Variants in RCAN2 observed in about 807,000 individuals in gnomAD.
RCAN2 encodes the protein regulator of calcineurin 2.
In RCAN2, 9 loss-of-function variants were observed where a neutral mutation model predicts 23.6. That is an observed-to-expected ratio of 0.38 (90% CI 0.23 to 0.67). RCAN2 has a LOEUF of 0.67. Ranked by LOEUF, RCAN2 falls within the 30% of genes least tolerant of loss-of-function variation. RCAN2 has a pLI of 0.51. For missense variants in RCAN2, 273 were observed against 302.3 expected, an observed-to-expected ratio of 0.90 and a Z score of 0.72; for synonymous variants, 109 against 115.7, an observed-to-expected ratio of 0.94 and a Z score of 0.37.
At chr6:46,438,456 T>A (rs1356600700) in intron 2 of RCAN2, 1 of 152,150 alleles carries the variant, frequency 6.6e-6, no homozygotes. Flanking sequence ...TGCAGCTTCA[T>A]CCTATAAGAG....
intron 2 of RCAN2, among the ~76,000 whole-genome samples, chr6:46,443,669 G>T (rs149950682): frequency 6.7e-4 from 102 of 152,134 alleles, no homozygotes; most frequent in African/African-American, 2.3e-3. Context: ...ATAAATTGAC[G>T]TATAAAGCAG....
At chr6:46,408,555 G>A (rs554537096) in intron 2 of RCAN2, among the ~76,000 whole-genome samples, 1 of 152,260 alleles carries the variant, frequency 6.6e-6, no homozygotes, top group East Asian at 1.9e-4. Flanking sequence ...GCTAGGCACT[G>A]CCACTAGGAC....
chr6:46,282,192 A>C (rs1354165082), intron 2 of RCAN2, among the ~76,000 whole-genome samples: 2 of 152,184 alleles, frequency 1.3e-5, no homozygotes, highest in Non-Finnish European at 2.9e-5. Context: ...AGACCACTCA[A>C]ATATCCAACA....
intron 2 of RCAN2, among the ~76,000 whole-genome samples, chr6:46,348,772 A>G (rs1764563104): frequency 6.6e-6 from 1 of 152,220 alleles, no homozygotes; most frequent in South Asian, 2.1e-4. Flanking sequence ...GGGAAGGACA[A>G]TCAGCAACGT....
chr6:46,386,512 G>A (rs540433713), intron 2 of RCAN2, among the ~76,000 whole-genome samples: 70 of 150,524 alleles, frequency 4.7e-4, no homozygotes, highest in South Asian at 4.2e-4. Flanking sequence ...GGAGGCTGAG[G>A]CAGGAGAATT....
chr6:46,468,836 G>C, intron 1 of RCAN2: 1 of 985,306 alleles, frequency 1.0e-6, no homozygotes, highest in Middle Eastern at 5.2e-4. Context: ...GTGACTTCCT[G>C]AGTCTCACAG....
chr6:46,367,991 T>C (rs1765220908), intron 2 of RCAN2, among the ~76,000 whole-genome samples: 1 of 152,200 alleles, frequency 6.6e-6, no homozygotes, highest in Non-Finnish European at 1.5e-5. Context: ...AGCTATATCA[T>C]TTAGGAGCTG....
intron 2 of RCAN2, among the ~76,000 whole-genome samples, chr6:46,304,939 T>C (rs1763017161): frequency 6.6e-6 from 1 of 152,150 alleles, no homozygotes. Context: ...ATCTTATGCC[T>C]GTATTGGAAC....
intron 2 of RCAN2, among the ~76,000 whole-genome samples, chr6:46,409,925 A>C (rs1281779366): frequency 6.6e-6 from 1 of 152,174 alleles, no homozygotes; most frequent in Non-Finnish European, 1.5e-5. Context: ...GGGCTTAGGA[A>C]TATCTGCTGT....
Position 46,266,241 on chromosome 6 carries a change from T to C in RCAN2, c.226-17345A>G, listed in dbSNP as rs1419285096. 2.0e-5 allele frequency among the ~76,000 whole-genome samples: 3 copies of C among 152,356 alleles called. No homozygotes were observed. The East Asian group carries it at 5.8e-4, about 29-fold the overall frequency. ...AATAAACTGATTTATACAATTGTGCTACTGAGAATTACCAGTACTGTTCTT... is the reference window on the plus strand; with the variant it reads ...AATAAACTGATTTATACAATTGTGCCACTGAGAATTACCAGTACTGTTCTT... On this transcript the variant is annotated intron_variant, in intron 2 of 4. Transcript: ENST00000371374.
chr6:46,305,584 A>T (rs1763035935), intron 2 of RCAN2, among the ~76,000 whole-genome samples: 1 of 151,980 alleles, frequency 6.6e-6, no homozygotes, highest in South Asian at 2.1e-4. Context: ...GTGTGAGCCA[A>T]TTTTACACTT....
Position 46,490,994 on chromosome 6 carries a change from C to A in RCAN2, c.-3+179G>T, listed in dbSNP as rs1394897690. Among the ~76,000 whole-genome samples, 3 of 137,092 alleles carry A rather than the reference C, an allele frequency of 2.2e-5. No individual in the cohort carries two copies. In the East Asian group the frequency reaches 6.8e-4, roughly 31 times the overall value. 89.9% of individuals were successfully genotyped at this position (137,092 alleles called of 152,430 possible). On this transcript the variant is annotated intron_variant, in intron 1 of 4. Transcript: ENST00000371374. ...CAGATCTGGAGACAAACCCCACCCC[C>A]GCCACTGCCCCCACCCCCGCCACCG...
At position 46,414,605 on chromosome 6, in the gene RCAN2, C is replaced by A. The variant is rs575653479; in HGVS notation, c.225+42147G>T. ...ATATTACCCTCCATATGTGGGTGGACCTCATCTAATCAGTTGAAGGCCTTA... is the reference window on the plus strand; with the variant it reads ...ATATTACCCTCCATATGTGGGTGGAACTCATCTAATCAGTTGAAGGCCTTA... On this transcript the variant is annotated intron_variant, in intron 2 of 4. Coordinates refer to ENST00000371374, the MANE Select transcript of RCAN2 (RefSeq NM_001251974.2). 8.5e-5 allele frequency among the ~76,000 whole-genome samples: 13 copies of A among 152,206 alleles called. No individual in the cohort carries two copies. The South Asian group carries it at 2.7e-3, about 32-fold the overall frequency.
rs547588261 is a variant in RCAN2 at position 46,439,312 on chromosome 6, C to T, written c.225+17440G>A. Among the ~76,000 whole-genome samples the T allele has an allele frequency of 5.3e-5, 8 of 152,332 alleles. No individual in the cohort carries two copies. In the South Asian group the frequency reaches 1.7e-3, roughly 32 times the overall value. The stretch of plus-strand genomic sequence containing the variant: ...AAAAGGTGAACTTGTTGCAGCAATG[C>T]TTTCATTGTGCATTTCTGAAATTCC... On this transcript the variant is annotated intron_variant, in intron 2 of 4. Transcript: ENST00000371374.
At chr6:46,374,615 G>A (rs1004840588) in intron 2 of RCAN2, among the ~76,000 whole-genome samples, 3 of 152,140 alleles carry the variant, frequency 2.0e-5, no homozygotes, top group Admixed American at 6.5e-5. Context: ...GATTCCACGG[G>A]TGTAATACTG....
chr6:46,254,802 G>C (rs536963444), intron 2 of RCAN2, among the ~76,000 whole-genome samples: 1 of 152,288 alleles, frequency 6.6e-6, no homozygotes, highest in East Asian at 1.9e-4. Context: ...AGTGGTATGG[G>C]ACCCTAATCT....
At chr6:46,439,437 T>C (rs1461217190) in intron 2 of RCAN2, among the ~76,000 whole-genome samples, 2 of 152,192 alleles carry the variant, frequency 1.3e-5, no homozygotes, top group Non-Finnish European at 2.9e-5. Context: ...ATAGAAATTA[T>C]TTTTACCTGG....
chr6:46,233,480 G>C (rs1011877475), intron 4 of RCAN2, among the ~76,000 whole-genome samples: 1 of 152,118 alleles, frequency 6.6e-6, no homozygotes, highest in Non-Finnish European at 1.5e-5. Flanking sequence ...TTGAGGAAAG[G>C]GGGATGGCCT....
chr6:46,468,062 G>C (rs1399310545), intron 1 of RCAN2, among the ~76,000 whole-genome samples: 2 of 152,236 alleles, frequency 1.3e-5, no homozygotes, highest in South Asian at 4.1e-4. Flanking sequence ...ACTACTGAGA[G>C]GTCCAAATGA....
Sources: gnomAD v4.1 joint callset for allele counts (sites outside exome capture counted in the v4.1 genomes callset) on GRCh38, gnomAD v4.1.1 for gene constraint, MANE v1.5 for transcripts, NCBI Gene and HGNC (gene_info 2026-07-23, HGNC 2026-07-21) for gene names.